TTC6: variants seen among roughly 807,000 people sequenced by gnomAD.
The protein encoded by TTC6 is tetratricopeptide repeat domain 6.
In TTC6, 172 loss-of-function variants were observed where a neutral mutation model predicts 210.4. The observed-to-expected ratio is 0.82, with a 90% CI of 0.72 to 0.93. TTC6 has a LOEUF of 0.93. Ranked by LOEUF, TTC6 falls within the 40% of genes least tolerant of loss-of-function variation. TTC6 has a pLI of 0.00. For missense variants in TTC6, 2,414 were observed against 2,318.1 expected, an observed-to-expected ratio of 1.04 and a Z score of -0.85; for synonymous variants, 804 against 819.6, an observed-to-expected ratio of 0.98 and a Z score of 0.32.
intron 20 of TTC6, among the ~76,000 whole-genome samples, chr14:37,801,227 G>A (rs949702752): frequency 6.6e-6 from 1 of 152,184 alleles, no homozygotes; most frequent in African/African-American, 2.4e-5. Flanking sequence ...TGTCCCAAGA[G>A]TGGGAGCTGG....
intron 1 of TTC6, among the ~76,000 whole-genome samples, chr14:37,672,980 G>A (rs1266769459): frequency 6.6e-6 from 1 of 152,102 alleles, no homozygotes; most frequent in Non-Finnish European, 1.5e-5. Context: ...AATGGACTAT[G>A]TTCTGTTAGG....
intron 1 of TTC6, among the ~76,000 whole-genome samples, chr14:37,631,135 G>A (rs201014295): frequency 2.0e-5 from 3 of 151,336 alleles, no homozygotes; most frequent in Non-Finnish European, 4.4e-5. Context: ...TGTTATGTGT[G>A]AATTTGATCC....
chr14:37,780,008 A>G (rs1316535757), intron 14 of TTC6, among the ~76,000 whole-genome samples: 1 of 152,202 alleles, frequency 6.6e-6, no homozygotes, highest in Admixed American at 6.5e-5. Flanking sequence ...GAAGGTCTGA[A>G]TTACTGACGA....
rs1209277811 is a variant in TTC6 at position 37,682,754 on chromosome 14, A to G, written c.1051-4A>G. On this transcript the variant is annotated splice_region_variant and splice_polypyrimidine_tract_variant and intron_variant, in intron 2 of 30. Coordinates refer to ENST00000553443, the Ensembl canonical transcript of TTC6. Reference sequence around the variant, plus strand: ...CATTCTTGCACATTTACTTTTTCCAACAGAGCGTGCATAAGGAACTTTCTG... The same window carrying G: ...CATTCTTGCACATTTACTTTTTCCAGCAGAGCGTGCATAAGGAACTTTCTG... 10 of 1,534,904 alleles carry G rather than the reference A, an allele frequency of 6.5e-6. No homozygotes were observed. The Admixed American group carries it at 9.8e-5, about 15-fold the overall frequency.
intron 1 of TTC6, among the ~76,000 whole-genome samples, chr14:37,604,064 C>A (rs2095620761): frequency 6.6e-6 from 1 of 152,308 alleles, no homozygotes; most frequent in Middle Eastern, 3.4e-3. Flanking sequence ...GGGCTGCTGA[C>A]CAGGTATGCC....
chr14:37,605,847 A>G (rs2095624146), intron 1 of TTC6, among the ~76,000 whole-genome samples: 1 of 152,118 alleles, frequency 6.6e-6, no homozygotes. Flanking sequence ...CAGGCTCATT[A>G]GTGTTATTTG....
intron 3 of TTC6, among the ~76,000 whole-genome samples, chr14:37,688,800 C>G (rs571426600): frequency 4.4e-4 from 67 of 152,138 alleles, no homozygotes; most frequent in Non-Finnish European, 7.9e-4. Context: ...TCACAACACC[C>G]AACTCCTTTT....
chr14:37,758,679 A>T (rs559220491), intron 14 of TTC6, among the ~76,000 whole-genome samples: 1 of 152,130 alleles, frequency 6.6e-6, no homozygotes, highest in Non-Finnish European at 1.5e-5. Context: ...CATTTAGTCC[A>T]TTTACATTTA....
intron 1 of TTC6, among the ~76,000 whole-genome samples, chr14:37,656,629 T>G (rs1237110293): frequency 2.6e-5 from 4 of 151,874 alleles, no homozygotes; most frequent in Admixed American, 2.6e-4. Context: ...GGAAGGAGGT[T>G]AGAAGTCTGG....
At chr14:37,630,971 T>C (rs1456344301) in intron 1 of TTC6, among the ~76,000 whole-genome samples, 3 of 138,202 alleles carry the variant, frequency 2.2e-5, no homozygotes, top group Admixed American at 7.6e-5. Flanking sequence ...TGGTATATAT[T>C]CCTCCATCCC....
chr14:37,731,941 G>A (rs1393728807), intron 7 of TTC6, among the ~76,000 whole-genome samples: 2 of 151,348 alleles, frequency 1.3e-5, no homozygotes, highest in African/African-American at 4.9e-5. Context: ...TTAATTTTTT[G>A]CCAATTATTT....
intron 14 of TTC6, among the ~76,000 whole-genome samples, chr14:37,770,219 C>T (rs976371516): frequency 0.014 from 2,162 of 152,174 alleles, 62 homozygotes; most frequent in African/African-American, 0.049. Flanking sequence ...AGCTTTACTT[C>T]CAACTATGTG....
intron 1 of TTC6, among the ~76,000 whole-genome samples, chr14:37,674,036 T>A (rs2095763743): frequency 6.6e-6 from 1 of 152,166 alleles, no homozygotes; most frequent in South Asian, 2.1e-4. Context: ...AAATACTAAT[T>A]GTGCTACTTA....
intron 3 of TTC6, among the ~76,000 whole-genome samples, chr14:37,688,462 T>C (rs1271002786): frequency 6.6e-6 from 1 of 150,898 alleles, no homozygotes; most frequent in Non-Finnish European, 1.5e-5. Flanking sequence ...GGCCAGGGAG[T>C]GGTTATAGCA....
intron 1 of TTC6, among the ~76,000 whole-genome samples, chr14:37,660,273 G>T (rs962460428): frequency 1.3e-5 from 2 of 151,894 alleles, no homozygotes; most frequent in African/African-American, 4.8e-5. Context: ...GGATGTGCAG[G>T]TTTGTTATGT....
chr14:37,764,885 A>G (rs1483080651), intron 14 of TTC6, among the ~76,000 whole-genome samples: 2 of 151,394 alleles, frequency 1.3e-5, no homozygotes, highest in African/African-American at 4.8e-5. Flanking sequence ...CTGTATTTAT[A>G]TTTTTTATAT....
chr14:37,676,408 A>T (rs2095769590), intron 1 of TTC6, among the ~76,000 whole-genome samples: 1 of 151,736 alleles, frequency 6.6e-6, no homozygotes, highest in Non-Finnish European at 1.5e-5. Context: ...CCCATTTTTA[A>T]TTTTTTTTGG....
chr14:37,719,270 A>T (rs2095857560), intron 6 of TTC6, among the ~76,000 whole-genome samples: 1 of 152,158 alleles, frequency 6.6e-6, no homozygotes, highest in Non-Finnish European at 1.5e-5. Flanking sequence ...TAAACATGTC[A>T]TTTCTCTTCA....
intron 2 of TTC6, among the ~76,000 whole-genome samples, chr14:37,612,499 A>AT (rs960735259): frequency 2.6e-5 from 4 of 152,198 alleles, no homozygotes; most frequent in African/African-American, 9.6e-5. Context: ...TTATGTATAC[A>AT]TTTTAGATTC....
Sources: allele counts gnomAD v4.1 joint callset (sites outside exome capture counted in the v4.1 genomes callset), GRCh38; gene constraint gnomAD v4.1.1; transcripts MANE v1.5; gene names NCBI Gene and HGNC (gene_info 2026-07-23, HGNC 2026-07-21).